ARMH4: variants seen among roughly 807,000 people sequenced by gnomAD.
ARMH4 encodes armadillo-like helical domain-containing protein 4.
A neutral mutation model predicts 61.9 loss-of-function variants in ARMH4; 49 were observed. That is an observed-to-expected ratio of 0.79 (90% CI 0.63 to 1.00). The LOEUF is 1.00. Among genes scored for constraint, ARMH4 ranks in the 50% least tolerant of loss-of-function variants. The pLI, the probability that ARMH4 is intolerant of heterozygous loss-of-function variation, is 0.00. For missense variants in ARMH4, 934 were observed against 930.0 expected, an observed-to-expected ratio of 1.00 and a Z score of -0.06; for synonymous variants, 368 against 341.5, an observed-to-expected ratio of 1.08 and a Z score of -0.85.
intron 5 of ARMH4, among the ~76,000 whole-genome samples, chr14:58,021,117 G>C (rs1036566573): frequency 6.6e-6 from 1 of 152,186 alleles, no homozygotes; most frequent in African/African-American, 2.4e-5. Context: ...GGCCTTCAGT[G>C]GATTGGATGA....
At position 58,015,975 on chromosome 14, in the gene ARMH4, A is replaced by C. The variant is rs559388072; in HGVS notation, c.2090-3825T>G. 7.2e-5 allele frequency among the ~76,000 whole-genome samples: 11 copies of C among 151,896 alleles called. No homozygotes were observed. In the South Asian group the frequency reaches 2.3e-3, roughly 31 times the overall value. ...AACTGACAACTGTAATTTTTAAAAA[A>C]TAGACAAACATCACAGTAATTAAAG... On this transcript the variant is annotated intron_variant, in intron 5 of 7. Transcript: ENST00000267485.
At chr14:58,069,377 T>A (rs1002502450) in intron 5 of ARMH4, among the ~76,000 whole-genome samples, 9 of 152,306 alleles carry the variant, frequency 5.9e-5, no homozygotes, top group Middle Eastern at 3.4e-3. Context: ...TTCAAGTAGC[T>A]CACAATCTCA....
intron 4 of ARMH4, among the ~76,000 whole-genome samples, chr14:58,097,816 C>T (rs980418329): frequency 1.3e-5 from 2 of 152,024 alleles, no homozygotes; most frequent in Non-Finnish European, 2.9e-5. Context: ...AGCCATCCTC[C>T]TCCCTCGGCC....
chr14:58,054,802 G>A (rs1157971421), intron 5 of ARMH4, among the ~76,000 whole-genome samples: 1 of 151,450 alleles, frequency 6.6e-6, no homozygotes, highest in East Asian at 1.9e-4. Flanking sequence ...ACTTGAACCT[G>A]GGAGGCAGAG....
chr14:58,061,759 T>C (rs1884538039), intron 5 of ARMH4, among the ~76,000 whole-genome samples: 1 of 152,142 alleles, frequency 6.6e-6, no homozygotes, highest in African/African-American at 2.4e-5. Context: ...GGCTGCTGCA[T>C]CACATTCTAC....
chr14:58,096,320 G>A (rs2141263000), intron 5 of ARMH4, among the ~76,000 whole-genome samples: 1 of 152,178 alleles, frequency 6.6e-6, no homozygotes, highest in East Asian at 1.9e-4. Context: ...CTGTCCCATG[G>A]TGCTGCTTGT....
At chr14:58,149,677 A>AT in intron 1 of ARMH4, among the ~76,000 whole-genome samples, 1 of 152,224 alleles carries the variant, frequency 6.6e-6, no homozygotes, top group East Asian at 1.9e-4. Context: ...GGACTTGAAG[A>AT]TTTAAAAACA....
At chr14:58,023,970 T>C (rs1386153178) in intron 5 of ARMH4, among the ~76,000 whole-genome samples, 1 of 152,170 alleles carries the variant, frequency 6.6e-6, no homozygotes, top group Non-Finnish European at 1.5e-5. Context: ...TGTAAACAGA[T>C]GTGCTGTCAT....
Position 58,078,370 on chromosome 14 carries a change from C to T in ARMH4, c.2089+18354G>A, listed in dbSNP as rs930759704. Among the ~76,000 whole-genome samples the T allele has an allele frequency of 2.6e-5, 4 of 152,206 alleles. No individual in the cohort carries two copies. In the East Asian group the frequency reaches 5.8e-4, roughly 22 times the overall value. Reference sequence around the variant, plus strand: ...TTTTTACCCTCTCATCCAATGCATTCCTCTGGCTGTAACCTGTACAATCAT... The same window carrying T: ...TTTTTACCCTCTCATCCAATGCATTTCTCTGGCTGTAACCTGTACAATCAT... On this transcript the variant is annotated intron_variant, in intron 5 of 7. Coordinates refer to ENST00000267485, the MANE Select transcript of ARMH4 (RefSeq NM_001001872.4).
intron 4 of ARMH4, among the ~76,000 whole-genome samples, chr14:58,109,146 G>T (rs1242525635): frequency 1.3e-5 from 2 of 152,046 alleles, no homozygotes; most frequent in Non-Finnish European, 2.9e-5. Context: ...TTTATAAAAG[G>T]TTTTAGTTTT....
intron 4 of ARMH4, among the ~76,000 whole-genome samples, chr14:58,114,870 G>A (rs1023170478): frequency 1.3e-5 from 2 of 152,144 alleles, no homozygotes; most frequent in Non-Finnish European, 2.9e-5. Flanking sequence ...AAATGATGCT[G>A]GGATAGCTGG....
chr14:58,131,329 C>A, intron 4 of ARMH4, 183 bp downstream of exon 4: 1 of 488,812 alleles, frequency 2.0e-6, no homozygotes, highest in Admixed American at 3.7e-5. Context: ...AATGTAAAAA[C>A]CATTCTTAGC....
At position 58,131,578 on chromosome 14, in the gene ARMH4, C is replaced by G; in HGVS notation, c.1765G>C (p.Val589Leu). 1 of 1,614,250 alleles carries G rather than the reference C, an allele frequency of 6.2e-7. No individual in the cohort carries two copies. Residue 589 changes from valine (V) to leucine (L), a missense_variant, in exon 4 of 8, where the codon GTT becomes CTT. Coordinates refer to ENST00000267485, the MANE Select transcript of ARMH4 (RefSeq NM_001001872.4). ...ALEASSERRT[V>L]VPSITRVNTA... Reference sequence around the variant, plus strand: ...TTAACACGAGTAATAGATGGAACAACAGTTCTTCTCTCAGAGGATGCCTCC... The same window carrying G: ...TTAACACGAGTAATAGATGGAACAAGAGTTCTTCTCTCAGAGGATGCCTCC...
intron 5 of ARMH4, among the ~76,000 whole-genome samples, chr14:58,049,708 AAAAAT>A (rs550057785): frequency 6.6e-6 from 1 of 152,166 alleles, no homozygotes; most frequent in South Asian, 2.1e-4. Context: ...TGTCACAAAA[AAAAAT>A]AAAATAAAAT....
intron 4 of ARMH4, among the ~76,000 whole-genome samples, chr14:58,105,215 C>T (rs1594759774): frequency 2.0e-5 from 3 of 152,160 alleles, no homozygotes; most frequent in Non-Finnish European, 2.9e-5. Context: ...ATAACACTAC[C>T]AAGTTATATT....
chr14:58,083,409 A>G (rs1885288784), intron 5 of ARMH4, among the ~76,000 whole-genome samples: 1 of 152,204 alleles, frequency 6.6e-6, no homozygotes, highest in Non-Finnish European at 1.5e-5. Context: ...GCAAAACCCC[A>G]TCTTTACTTA....
chr14:58,072,814 T>C (rs11851796), intron 5 of ARMH4, among the ~76,000 whole-genome samples: 80,546 of 151,956 alleles, frequency 0.53, 21,879 homozygotes, highest in Middle Eastern at 0.61. Context: ...CATCTTTTAA[T>C]TTGCTGATGG....
At chr14:58,151,794 G>A (rs1887934026) in intron 1 of ARMH4, among the ~76,000 whole-genome samples, 1 of 152,254 alleles carries the variant, frequency 6.6e-6, no homozygotes, top group Non-Finnish European at 1.5e-5. Flanking sequence ...CGCTGGTGCG[G>A]AGCTGGGAGG....
At chr14:58,061,356 A>T (rs1405559903) in intron 5 of ARMH4, among the ~76,000 whole-genome samples, 1 of 151,948 alleles carries the variant, frequency 6.6e-6, no homozygotes, top group African/African-American at 2.4e-5. Context: ...TCCTCCTCCT[A>T]CTAGTGATAA....
Sources: allele counts gnomAD v4.1 joint callset (sites outside exome capture counted in the v4.1 genomes callset), GRCh38; gene constraint gnomAD v4.1.1; transcripts MANE v1.5; gene names NCBI Gene and HGNC (gene_info 2026-07-23, HGNC 2026-07-21).